KIRREL3: variants seen among roughly 807,000 people sequenced by gnomAD.
KIRREL3 encodes the protein kin of IRRE-like protein 3.
Under a neutral mutation model 89.7 loss-of-function variants are expected in KIRREL3, and 36 were observed. The observed-to-expected ratio is 0.40, with a 90% CI of 0.31 to 0.53. KIRREL3 has a LOEUF of 0.53. Ranked by LOEUF, KIRREL3 falls within the 20% of genes least tolerant of loss-of-function variation. The pLI is 0.49. For missense variants in KIRREL3, 864 were observed against 1,056.6 expected (o/e 0.82, Z 2.53); for synonymous variants, 445 against 441.4 (o/e 1.01, Z -0.10).
chr11:126,770,512 T>C (rs1949986549), intron 1 of KIRREL3, among the ~76,000 whole-genome samples: 1 of 152,176 alleles, frequency 6.6e-6, no homozygotes, highest in Non-Finnish European at 1.5e-5. Flanking sequence ...ATTAACAGAA[T>C]CTTTTTAAAA....
At position 126,587,360 on chromosome 11, in the gene KIRREL3, C is replaced by T. The variant is rs1394330847; in HGVS notation, c.56-24448G>A. On this transcript the variant is annotated intron_variant, in intron 1 of 16. Coordinates refer to ENST00000525144, the MANE Select transcript of KIRREL3 (RefSeq NM_032531.4). The surrounding 1 kb of genome is among the most constrained non-coding windows in gnomAD (Gnocchi z 5.2). Reference sequence around the variant, plus strand: ...TTTGGTCTGGCCTGGAGCAGAGCTGCAGGGGAAGCTGTGAGGCATGAGGCA... The same window carrying T: ...TTTGGTCTGGCCTGGAGCAGAGCTGTAGGGGAAGCTGTGAGGCATGAGGCA... 6.6e-6 allele frequency among the ~76,000 whole-genome samples: 1 copy of T among 152,168 alleles called. No individual in the cohort carries two copies. The highest frequency in any genetic ancestry group is 2.4e-5 in the African/African-American group (1 of 41,440).
At position 126,905,374 on chromosome 11, in the gene KIRREL3, A is replaced by G. The variant is rs1793413300; in HGVS notation, c.55+95081T>C. 6.6e-6 allele frequency among the ~76,000 whole-genome samples: 1 copy of G among 152,138 alleles called. No homozygotes were observed. Among genetic ancestry groups the G allele is most frequent in the Admixed American group, 6.5e-5 (1 of 15,282 alleles). On this transcript the variant is annotated intron_variant, in intron 1 of 16. Transcript: ENST00000525144. This position sits in a 1 kb window ranked among gnomAD's most constrained non-coding sequence, Gnocchi z 5.0. ...CTTCAACTGCCTTCTTTTCTCATTT[A>G]CACAACGCTATCCTGGGGTAAAGAG...
intron 1 of KIRREL3, among the ~76,000 whole-genome samples, chr11:126,921,992 TA>T: frequency 6.7e-6 from 1 of 148,510 alleles, no homozygotes; most frequent in South Asian, 2.1e-4. Flanking sequence ...TCTATCTATC[TA>T]TCTATCTATC....
intron 1 of KIRREL3, among the ~76,000 whole-genome samples, chr11:126,632,906 A>G (rs974709211): frequency 6.6e-6 from 1 of 150,846 alleles, no homozygotes; most frequent in African/African-American, 2.4e-5. Context: ...AGCCTGGCCA[A>G]TATGGTGAAA....
Position 126,622,623 on chromosome 11 carries a change from AG to A in KIRREL3, c.56-59712del, listed in dbSNP as rs1172316182. On this transcript the variant is annotated intron_variant, in intron 1 of 16. Coordinates refer to ENST00000525144, the MANE Select transcript of KIRREL3 (RefSeq NM_032531.4). The surrounding 1 kb of genome is among the most constrained non-coding windows in gnomAD (Gnocchi z 5.2). Reference sequence around the variant, plus strand: ...AGAATCACTTGAACCCTGGAGGCGGAGGTTGCAGTGAGCTGAGATCACGCCA... The same window carrying A: ...AGAATCACTTGAACCCTGGAGGCGGAGTTGCAGTGAGCTGAGATCACGCCA... Among the ~76,000 whole-genome samples the A allele has an allele frequency of 6.6e-6, 1 of 152,172 alleles. No individual in the cohort carries two copies. Among genetic ancestry groups the A allele is most frequent in the East Asian group, 1.9e-4 (1 of 5,196 alleles).
At chr11:126,937,553 C>T (rs12362908) in intron 1 of KIRREL3, among the ~76,000 whole-genome samples, 38,530 of 151,998 alleles carry the variant, frequency 0.25, 5,115 homozygotes, top group Middle Eastern at 0.3. Context: ...GACAGATACT[C>T]GGTCTCTTCC....
rs1371492648 is a variant in KIRREL3, at chr11:126,527,986, T to C, written c.134-1299A>G. The stretch of plus-strand genomic sequence containing the variant: ...AACCAGTACTTCATACAACCCCTCC[T>C]GTAATCCACTTAATTATACTTCAGG... On this transcript the variant is annotated intron_variant, in intron 2 of 16. Transcript: ENST00000525144. The surrounding 1 kb of genome is among the most constrained non-coding windows in gnomAD (Gnocchi z 4.2). 6.6e-6 allele frequency among the ~76,000 whole-genome samples: 1 copy of C among 152,148 alleles called. No individual in the cohort carries two copies. Among genetic ancestry groups the C allele is most frequent in the Admixed American group, 6.5e-5 (1 of 15,268 alleles).
At chr11:126,921,234 C>T (rs913178688) in intron 1 of KIRREL3, among the ~76,000 whole-genome samples, 19 of 152,178 alleles carry the variant, frequency 1.2e-4, no homozygotes, top group East Asian at 5.8e-4. Context: ...CAGAGAGTTA[C>T]ACCATTGGCT....
Position 126,607,355 on chromosome 11 carries a change from A to G in KIRREL3, c.56-44443T>C, listed in dbSNP as rs1469083765. 1.3e-5 allele frequency among the ~76,000 whole-genome samples: 2 copies of G among 151,966 alleles called. No homozygotes were observed. The highest frequency in any genetic ancestry group is 2.9e-5 in the Non-Finnish European group (2 of 68,008). On this transcript the variant is annotated intron_variant, in intron 1 of 16. Coordinates refer to ENST00000525144, the MANE Select transcript of KIRREL3 (RefSeq NM_032531.4). This position sits in a 1 kb window ranked among gnomAD's most constrained non-coding sequence, Gnocchi z 6.6. ...TTTCTTATGGCTGGGGCTGCTTTCT[A>G]ATGTGAATATGAGTACTCTTGGCTG...
In KIRREL3 at chr11:126,705,974, A is replaced by G. The variant is rs1407860273; in HGVS notation, c.56-143062T>C. Among the ~76,000 whole-genome samples the G allele has an allele frequency of 6.6e-6, 1 of 152,212 alleles. No homozygotes were observed. Among genetic ancestry groups the G allele is most frequent in the Non-Finnish European group, 1.5e-5 (1 of 68,036 alleles). On this transcript the variant is annotated intron_variant, in intron 1 of 16. Coordinates refer to ENST00000525144, the MANE Select transcript of KIRREL3 (RefSeq NM_032531.4). This position sits in a 1 kb window ranked among gnomAD's most constrained non-coding sequence, Gnocchi z 4.3. ...AAGCCTACCCCACATGGAAATATAC[A>G]CAGAGGAAAATGGAGGCAGTGGCCA...
chr11:126,897,615 C>A lies in KIRREL3; in HGVS notation c.55+102840G>T, dbSNP rs774140852. Among the ~76,000 whole-genome samples, 3 of 152,154 alleles carry A rather than the reference C, an allele frequency of 2.0e-5. No individual in the cohort carries two copies. The highest frequency in any genetic ancestry group is 4.4e-5 in the Non-Finnish European group (3 of 68,030). The stretch of plus-strand genomic sequence containing the variant: ...AGGGTATTTTTATTTCTCTTCTCTC[C>A]ATGTTGCACAATACCACATCAAAAA... On this transcript the variant is annotated intron_variant, in intron 1 of 16. Coordinates refer to ENST00000525144, the MANE Select transcript of KIRREL3 (RefSeq NM_032531.4). This position sits in a 1 kb window ranked among gnomAD's most constrained non-coding sequence, Gnocchi z 4.2.
intron 1 of KIRREL3, among the ~76,000 whole-genome samples, chr11:126,841,063 C>G (rs1383425934): frequency 1.3e-5 from 2 of 152,100 alleles, no homozygotes; most frequent in African/African-American, 4.8e-5. Context: ...CTTACTGTGC[C>G]TCATTTATAA....
At chr11:126,921,391 GTATCTATCTATCTATCTATC>G (rs35917135) in intron 1 of KIRREL3, among the ~76,000 whole-genome samples, 262 of 144,138 alleles carry the variant, frequency 1.8e-3, no homozygotes, top group Middle Eastern at 3.5e-3. Context: ...ATCCTGTCTT[GTATCTATCTATCTATCTATC>G]TATCTATCTA....
intron 5 of KIRREL3, among the ~76,000 whole-genome samples, chr11:126,470,852 C>T (rs1956866063): frequency 1.3e-5 from 2 of 152,144 alleles, no homozygotes; most frequent in African/African-American, 2.4e-5. Context: ...CACCAGGCCT[C>T]AATTTTCTAG....
At chr11:126,478,674 T>C (rs1478627545) in intron 4 of KIRREL3, among the ~76,000 whole-genome samples, 1 of 152,104 alleles carries the variant, frequency 6.6e-6, no homozygotes, top group African/African-American at 2.4e-5. Flanking sequence ...TATATGTATG[T>C]GTATGTATGT....
Position 126,783,762 on chromosome 11 carries a change from C to T in KIRREL3, c.55+216693G>A, listed in dbSNP as rs980133468. ...CTCAAAGAAGTAGAGTATAGCTTCC[C>T]GCTCCTTAAGCGTGGGCTGCACATA... On this transcript the variant is annotated intron_variant, in intron 1 of 16. Transcript: ENST00000525144. The surrounding 1 kb of genome is among the most constrained non-coding windows in gnomAD (Gnocchi z 4.3). Among the ~76,000 whole-genome samples, 43 of 152,200 alleles carry T rather than the reference C, an allele frequency of 2.8e-4. No homozygotes were observed. The highest frequency in any genetic ancestry group is 8.7e-4 in the African/African-American group (36 of 41,442).
At chr11:126,713,318 C>T (rs987570657) in intron 1 of KIRREL3, among the ~76,000 whole-genome samples, 4 of 152,186 alleles carry the variant, frequency 2.6e-5, no homozygotes, top group Non-Finnish European at 5.9e-5. Context: ...GGACAATAGG[C>T]AGGGTAGCAT....
chr11:126,478,947 C>T (rs1037162380), intron 4 of KIRREL3, among the ~76,000 whole-genome samples: 9 of 152,040 alleles, frequency 5.9e-5, no homozygotes, highest in South Asian at 2.1e-4. Flanking sequence ...TGTCTCTCCT[C>T]GAGAGAGGGA....
intron 1 of KIRREL3, among the ~76,000 whole-genome samples, chr11:126,774,573 C>T (rs558287553): frequency 2.5e-4 from 38 of 152,286 alleles, no homozygotes; most frequent in African/African-American, 7.7e-4. Flanking sequence ...AGTATGCAAA[C>T]GGTGGGGCTG....
Sources: gnomAD v4.1 joint callset for allele counts (sites outside exome capture counted in the v4.1 genomes callset) on GRCh38, gnomAD v4.1.1 for gene constraint, Gnocchi (gnomAD v3.1) non-coding constraint, MANE v1.5 for transcripts, NCBI Gene and HGNC (gene_info 2026-07-23, HGNC 2026-07-21) for gene names.